Variants in ERAP1 observed in about 807,000 individuals in gnomAD.
ERAP1 encodes endoplasmic reticulum aminopeptidase 1, also known as adipocyte-derived leucine aminopeptidase.
ERAP1 carries 86 observed loss-of-function variants against 103.7 expected under a neutral mutation model. The observed-to-expected ratio is 0.83, with a 90% CI of 0.70 to 0.99. The LOEUF (loss-of-function observed/expected upper bound fraction) is 0.99. ERAP1 is among the 50% of genes least tolerant of loss of function. ERAP1 has a pLI of 0.00. For missense variants in ERAP1, 1,009 were observed against 1,128.4 expected, an observed-to-expected ratio of 0.89 and a Z score of 1.52; for synonymous variants, 398 against 402.4, an observed-to-expected ratio of 0.99 and a Z score of 0.13.
intron 11 of ERAP1, among the ~76,000 whole-genome samples, chr5:96,787,787 T>TATAC (rs1776235497): frequency 1.4e-5 from 2 of 140,768 alleles, no homozygotes; most frequent in Non-Finnish European, 3.1e-5. Flanking sequence ...GTATATATTA[T>TATAC]ATATATATAT....
downstream of ERAP1, chr5:96,770,375 G>T: frequency 1.7e-6 from 1 of 578,618 alleles, no homozygotes; most frequent in Non-Finnish European, 3.1e-6. Context: ...CTCTGACACC[G>T]TTGTTCAAAA....
chr5:96,857,007 G>A, the ERAP1 span, among the ~76,000 whole-genome samples: 1 of 152,094 alleles, frequency 6.6e-6, no homozygotes, highest in Non-Finnish European at 1.5e-5. Flanking sequence ...CATCTTTGTA[G>A]ACCTTTCAAG....
chr5:96,855,188 T>G, the ERAP1 span, among the ~76,000 whole-genome samples: 2 of 152,182 alleles, frequency 1.3e-5, no homozygotes, highest in Non-Finnish European at 1.5e-5. Flanking sequence ...CCAGTCATGG[T>G]AGAGATAATT....
upstream of ERAP1, among the ~76,000 whole-genome samples, chr5:96,813,100 C>G (rs1331175301): frequency 1.3e-5 from 2 of 152,118 alleles, no homozygotes; most frequent in African/African-American, 2.4e-5. Flanking sequence ...CCTTGGCTAC[C>G]CTGGTGCTTA....
At chr5:96,895,732 G>A in the ERAP1 span, among the ~76,000 whole-genome samples, 452 of 152,298 alleles carry the variant, frequency 3.0e-3, 2 homozygotes, top group African/African-American at 0.011. Flanking sequence ...CATTGGGGGT[G>A]TACTTTTCTA....
the ERAP1 span, chr5:96,880,004 TTTATCATCTTGCACAGC>T: frequency 1.2e-6 from 2 of 1,614,200 alleles, no homozygotes; most frequent in East Asian, 4.5e-5. Flanking sequence ...TGCTACCCAG[TTTATCATCTTGCACAGC>T]AAAGATCTTG....
chr5:96,905,348 A>T, the ERAP1 span, among the ~76,000 whole-genome samples: 1 of 152,170 alleles, frequency 6.6e-6, no homozygotes, highest in Non-Finnish European at 1.5e-5. Flanking sequence ...GCTATTGTTG[A>T]GTGTGTAGGG....
intron 13 of ERAP1, 195 bp downstream of exon 13, chr5:96,785,593 T>A: frequency 1.6e-6 from 1 of 616,292 alleles, no homozygotes; most frequent in East Asian, 2.8e-5. Context: ...ATTCCTTCCT[T>A]CAAGTGCCTT....
At position 96,803,869 on chromosome 5, in the gene ERAP1, G is replaced by C; in HGVS notation, c.58C>G (p.Leu20Val). The C allele has an allele frequency of 1.2e-6, 2 of 1,613,316 alleles. No individual in the cohort carries two copies. Among genetic ancestry groups the C allele is most frequent in the Non-Finnish European group, 1.7e-6 (2 of 1,180,038 alleles). Residue 20 changes from leucine to valine, a missense_variant, in exon 2 of 19, where the codon CTG becomes GTG. Around this residue, in one of 3 missense-constraint regions of ERAP1, gnomAD observed 392 missense variants for 455.2 expected, o/e 0.86. Coordinates refer to ENST00000443439, the MANE Select transcript of ERAP1 (RefSeq NM_001040458.3). ...LATMSFLLSS[L>V]LALLTVSTPS... is the part of the protein sequence containing the mutation. ...GTGGACACAGTTAAGAGAGCCAACA[G>C]TGAGGAAAGTAGAAATGACATGGTT...
At chr5:96,815,011 C>T in the ERAP1 span, among the ~76,000 whole-genome samples, 43 of 152,278 alleles carry the variant, frequency 2.8e-4, no homozygotes, top group Admixed American at 2.3e-3. Flanking sequence ...GCAGCAAGAC[C>T]AGCCCATGTC....
chr5:96,811,932 G>A (rs550996394), upstream of ERAP1, among the ~76,000 whole-genome samples: 4 of 152,304 alleles, frequency 2.6e-5, no homozygotes, highest in East Asian at 7.7e-4. Flanking sequence ...ACCTTCCTCA[G>A]TAGGTGACAG....
chr5:96,867,435 G>A, the ERAP1 span, among the ~76,000 whole-genome samples: 6 of 152,126 alleles, frequency 3.9e-5, no homozygotes, highest in African/African-American at 7.2e-5. Context: ...ATTTAGACAG[G>A]GCATAGCTAG....
chr5:96,886,109 T>C, the ERAP1 span, among the ~76,000 whole-genome samples: 1 of 152,366 alleles, frequency 6.6e-6, no homozygotes, highest in African/African-American at 2.4e-5. Flanking sequence ...ACTAGCCATG[T>C]GATCTCCAAC....
chr5:96,797,430 C>G (rs565619699), intron 3 of ERAP1, 121 bp from the exon 4 acceptor site: 3 of 1,089,806 alleles, frequency 2.8e-6, no homozygotes, highest in African/African-American at 3.1e-5. Flanking sequence ...TTGGGGAGTC[C>G]GAGGTAGGCA....
the ERAP1 span, chr5:96,881,581 A>G: frequency 2.3e-6 from 1 of 436,640 alleles, no homozygotes; most frequent in Non-Finnish European, 4.6e-6. Flanking sequence ...ACAGGGGCAT[A>G]TTTTTCTCAT....
At chr5:96,818,893 CATTTATTTATTTATTT>C in the ERAP1 span, among the ~76,000 whole-genome samples, 74 of 141,844 alleles carry the variant, frequency 5.2e-4, 2 homozygotes, top group South Asian at 8.5e-3. Flanking sequence ...ACCTGAACTG[CATTTATTTATTTATTT>C]ATTTATTTAT....
chr5:96,798,871 C>CTTTTTTTTTTT (rs10646647), intron 3 of ERAP1, among the ~76,000 whole-genome samples: 19 of 124,872 alleles, frequency 1.5e-4, no homozygotes, highest in South Asian at 2.6e-4. Flanking sequence ...CAAAAATTTC[C>CTTTTTTTTTTT]TTTTTTTTTT....
exon 20 of ERAP1, chr5:96,760,918 AC>A (rs889338839): frequency 2.0e-5 from 3 of 152,044 alleles, no homozygotes; most frequent in Admixed American, 2.0e-4. Flanking sequence ...ATGAAAAAGT[AC>A]TAAAAAGCAT....
chr5:96,776,839 T>C (rs564479653), intron 18 of ERAP1: 3 of 398,420 alleles, frequency 7.5e-6, no homozygotes, highest in Non-Finnish European at 1.4e-5. Flanking sequence ...TGTGTCTATT[T>C]AATGTGTTAT....
Sources: allele counts gnomAD v4.1 joint callset (sites outside exome capture counted in the v4.1 genomes callset), GRCh38; gene constraint gnomAD v4.1.1; regional missense constraint gnomAD v4.1.1; transcripts MANE v1.5; gene names NCBI Gene and HGNC (gene_info 2026-07-23, HGNC 2026-07-21).